DDX19B: variants seen among roughly 807,000 people sequenced by gnomAD.
DDX19B encodes DEAD-box helicase 19B.
A neutral mutation model predicts 58.1 loss-of-function variants in DDX19B; 27 were observed. That is an observed-to-expected ratio of 0.46 (90% confidence interval 0.34 to 0.64). The LOEUF (loss-of-function observed/expected upper bound fraction) is 0.64, where lower values mean the gene tolerates loss of function less well. Ranked by LOEUF, DDX19B falls within the 30% of genes least tolerant of loss-of-function variation. The probability of loss-of-function intolerance (pLI) is 0.01; values close to 1 mark genes in which losing one functional copy is unlikely to be tolerated. For synonymous variants in DDX19B, 187 were observed against 214.4 expected (o/e 0.87, Z 1.12); for missense variants, 399 against 596.5 (o/e 0.67, Z 3.45).
intron 5 of DDX19B, among the ~76,000 whole-genome samples, chr16:70,318,582 A>G (rs1259987181): frequency 1.3e-5 from 2 of 148,226 alleles, no homozygotes; most frequent in African/African-American, 5.0e-5. Flanking sequence ...ACCTGACGTC[A>G]GGAGTTTGAG....
At chr16:70,292,984 T>G (rs1961099241), upstream of DDX19B, among the ~76,000 whole-genome samples, 2 of 152,010 alleles carry the variant, frequency 1.3e-5, no homozygotes, top group South Asian at 4.2e-4. Flanking sequence ...CGGCCACCTG[T>G]AATCCCAGCT....
At chr16:70,301,010 C>T (rs1469360681) in intron 1 of DDX19B, among the ~76,000 whole-genome samples, 1 of 152,056 alleles carries the variant, frequency 6.6e-6, no homozygotes, top group Non-Finnish European at 1.5e-5. Flanking sequence ...GCCTTTAAGT[C>T]TGCTTCAAAT....
chr16:70,314,951 G>A lies in DDX19B; in HGVS notation c.156G>A (p.Glu52=). The change falls in exon 3 of 12, where the codon GAG becomes GAA. Residue 52 remains glutamate (E), a synonymous_variant. Transcript: ENST00000288071. ...NANAEKTDEE[E]KEDRAAQSLL... ...ATGCAGAGAAGACAGATGAAGAAGA[G>A]AAAGGTAACACAGCCGTGGAGCTTT... The A allele has an allele frequency of 6.2e-7, 1 of 1,608,916 alleles. No homozygotes were observed. Among genetic ancestry groups the A allele is most frequent in the South Asian group, 1.1e-5 (1 of 91,022 alleles).
chr16:70,313,270 G>A (rs1192152109), intron 2 of DDX19B, among the ~76,000 whole-genome samples: 3 of 152,082 alleles, frequency 2.0e-5, no homozygotes, highest in Non-Finnish European at 4.4e-5. Context: ...CACCGGCCTT[G>A]GCCTCCCAAA....
In DDX19B at chr16:70,317,553, A is replaced by G; in HGVS notation, c.354A>G (p.Ile118Met). ...TGGGTTTCAATCGTCCATCCAAGAT[A>G]CAAGAGAACGCATTGCCACTGATGC... Reference protein sequence around the residue: ...YAMGFNRPSKIQENALPLMLA... With the variant: ...YAMGFNRPSKMQENALPLMLA... The change falls in exon 5 of 12, where the codon ATA becomes ATG. Residue 118 changes from isoleucine (I) to methionine (M), a missense_variant. Physicochemically the swap from Ile to Met is conservative, Grantham distance 10. This residue lies in a region of DDX19B where 132 missense variants were observed against 159.4 expected (regional missense o/e 0.83). Coordinates refer to ENST00000288071, the MANE Select transcript of DDX19B (RefSeq NM_007242.7). 1 of 1,613,418 alleles carries G rather than the reference A, an allele frequency of 6.2e-7. No individual in the cohort carries two copies. The highest frequency in any genetic ancestry group is 8.5e-7 in the Non-Finnish European group (1 of 1,179,532).
intron 4 of DDX19B, 99 bp downstream of exon 4, chr16:70,316,203 C>G: frequency 6.9e-7 from 1 of 1,443,388 alleles, no homozygotes; most frequent in Non-Finnish European, 9.3e-7. Context: ...GCAGTTTTAG[C>G]TAACCAAGTT....
intron 2 of DDX19B, 121 bp from the exon 3 acceptor site, chr16:70,314,781 C>T (rs776210779): frequency 1.0e-6 from 1 of 977,074 alleles, no homozygotes; most frequent in Non-Finnish European, 1.6e-6. Flanking sequence ...GGCTCGGTTT[C>T]CTCATTTATT....
intron 10 of DDX19B, 134 bp from the exon 11 acceptor site, chr16:70,332,834 G>A: frequency 6.5e-7 from 1 of 1,527,330 alleles, no homozygotes; most frequent in South Asian, 1.2e-5. Flanking sequence ...CTGGCTTCCT[G>A]CACTCAATGT....
chr16:70,327,818 A>G (rs1278266051), intron 7 of DDX19B, among the ~76,000 whole-genome samples: 1 of 152,020 alleles, frequency 6.6e-6, no homozygotes, highest in African/African-American at 2.4e-5. Context: ...TTTTTTCTAC[A>G]CTAGTTTGTT....
intron 1 of DDX19B, among the ~76,000 whole-genome samples, chr16:70,310,187 C>A (rs1349692383): frequency 6.6e-6 from 1 of 152,110 alleles, no homozygotes; most frequent in Admixed American, 6.6e-5. Flanking sequence ...TTGAGACCAT[C>A]CTGGCCAATG....
intron 4 of DDX19B, 141 bp downstream of exon 4, chr16:70,316,245 T>A: frequency 2.4e-6 from 3 of 1,258,688 alleles, no homozygotes; most frequent in Non-Finnish European, 3.2e-6. Flanking sequence ...AGTCTCACTC[T>A]GTTGCCCAGG....
chr16:70,328,983 G>A (rs1258047472), intron 7 of DDX19B, among the ~76,000 whole-genome samples: 1 of 151,166 alleles, frequency 6.6e-6, no homozygotes, highest in African/African-American at 2.4e-5. Flanking sequence ...TTGGGAGGCC[G>A]AGGCAGGTGG....
chr16:70,321,294 T>G (rs1962795095), intron 5 of DDX19B, among the ~76,000 whole-genome samples: 2 of 152,068 alleles, frequency 1.3e-5, no homozygotes, highest in Non-Finnish European at 2.9e-5. Flanking sequence ...TTTGGGGTTT[T>G]CTTTTGGTGG....
At chr16:70,330,116 C>T in intron 9 of DDX19B, 48 bp downstream of exon 9, 1 of 1,606,256 alleles carries the variant, frequency 6.2e-7, no homozygotes, top group Non-Finnish European at 8.5e-7. Flanking sequence ...TCTCAGCCAG[C>T]TCCCCACAGG....
upstream of DDX19B, among the ~76,000 whole-genome samples, chr16:70,296,183 T>C (rs1961213727): frequency 6.6e-6 from 1 of 152,014 alleles, no homozygotes; most frequent in Non-Finnish European, 1.5e-5. Flanking sequence ...TTTGTATTTT[T>C]AGTAGAGACA....
chr16:70,314,620 C>T (rs944209310), intron 2 of DDX19B, among the ~76,000 whole-genome samples: 3 of 152,024 alleles, frequency 2.0e-5, no homozygotes, highest in African/African-American at 7.2e-5. Flanking sequence ...GTTGAGATCG[C>T]ACCACTGCAC....
At chr16:70,311,114 C>T (rs1347430153) in intron 1 of DDX19B, among the ~76,000 whole-genome samples, 1 of 151,424 alleles carries the variant, frequency 6.6e-6, no homozygotes, top group African/African-American at 2.4e-5. Flanking sequence ...CAGCTCATAT[C>T]TGTAATCCCA....
chr16:70,332,329 C>G (rs1337241280), intron 10 of DDX19B, among the ~76,000 whole-genome samples: 2 of 152,160 alleles, frequency 1.3e-5, no homozygotes, highest in Admixed American at 6.5e-5. Flanking sequence ...GAGACAGAGT[C>G]TTGCTCAATG....
chr16:70,303,855 G>A (rs1167742347), intron 1 of DDX19B, among the ~76,000 whole-genome samples: 3 of 151,976 alleles, frequency 2.0e-5, no homozygotes, highest in South Asian at 2.1e-4. Flanking sequence ...CACCGCGCCC[G>A]GCCTAATTTA....
Sources: gnomAD v4.1 joint callset for allele counts (sites outside exome capture counted in the v4.1 genomes callset) on GRCh38, gnomAD v4.1.1 for gene constraint, gnomAD v4.1.1 regional missense constraint, MANE v1.5 for transcripts, NCBI Gene and HGNC (gene_info 2026-07-23, HGNC 2026-07-21) for gene names.